Variants in GRAP2 observed in about 807,000 individuals in gnomAD.
GRAP2 encodes GRB2-related adapter protein 2.
Under a neutral mutation model 43.5 loss-of-function variants are expected in GRAP2, and 31 were observed. The observed-to-expected ratio is 0.71, with a 90% CI of 0.54 to 0.96. GRAP2 has a LOEUF of 0.96. GRAP2 is among the 40% of genes least tolerant of loss of function. The pLI, the probability that GRAP2 is intolerant of heterozygous loss-of-function variation, is 0.00. For missense variants in GRAP2, 371 were observed against 424.4 expected, an observed-to-expected ratio of 0.87 and a Z score of 1.11; for synonymous variants, 156 against 164.8, an observed-to-expected ratio of 0.95 and a Z score of 0.41.
Position 39,966,127 on chromosome 22 carries a change from T to C in GRAP2, c.428T>C (p.Ile143Thr), listed in dbSNP as rs1357940059. 2 of 1,613,950 alleles carry C rather than the reference T, an allele frequency of 1.2e-6. No individual in the cohort carries two copies. The highest frequency in any genetic ancestry group is 1.7e-6 in the Non-Finnish European group (2 of 1,179,978). ...RTNSISRQKQ[I>T]FLRDRTREDQ... The stretch of plus-strand genomic sequence containing the variant: ...AATTCCATCTCCAGACAGAAGCAGA[T>C]CTTCCTTAGAGACAGAACCCGAGAA... The change falls in exon 5 of 8, where the codon ATC becomes ACC. Residue 143 changes from isoleucine (I) to threonine (T), a missense_variant. Physicochemically the swap from Ile to Thr is moderately conservative, Grantham distance 89. Coordinates refer to ENST00000344138, the MANE Select transcript of GRAP2 (RefSeq NM_004810.4).
intron 6 of GRAP2, 65 bp from the exon 7 acceptor site, chr22:39,969,346 A>G: frequency 2.5e-6 from 4 of 1,591,376 alleles, no homozygotes; most frequent in Non-Finnish European, 3.4e-6. Context: ...TGAGCAAGGC[A>G]CTGGGGGAAC....
rs755312398 is a variant in GRAP2 at position 39,955,956 on chromosome 22, C to G, written c.170+46C>G. The stretch of plus-strand genomic sequence containing the variant: ...GAGATGGGCCTAGCCACACACACTC[C>G]TCTTACATTTCCAGCAGTCACTACA... On this transcript the variant is annotated intron_variant, in intron 3 of 7. Coordinates refer to ENST00000344138, the MANE Select transcript of GRAP2 (RefSeq NM_004810.4). 33 of 877,506 alleles carry G rather than the reference C, an allele frequency of 3.8e-5. No individual in the cohort carries two copies. In the Admixed American group the frequency reaches 5.6e-4, roughly 15 times the overall value. 54.4% of individuals were successfully genotyped at this position (877,506 alleles called of 1,614,324 possible). A position where few individuals can be genotyped will look rare whatever the true frequency, so the allele number is the denominator to read the frequency against.
At chr22:39,960,032 T>G in intron 3 of GRAP2, 23 bp from the exon 4 acceptor site, 1 of 1,612,762 alleles carries the variant, frequency 6.2e-7, no homozygotes, top group South Asian at 1.1e-5. Context: ...TCCTGATCCT[T>G]TTGTTTGATC....
At position 39,971,200 on chromosome 22, in the gene GRAP2, C is replaced by T; in HGVS notation, c.*116C>T. On this transcript the variant is annotated 3_prime_UTR_variant, in exon 8 of 8. Transcript: ENST00000344138. ...ACATCTATCTACATCTGCCTGTGTA[C>T]ACACACAACTTTTTATACTAGTAAT... is the stretch of plus-strand genomic sequence containing the variant. 1.3e-6 allele frequency: 1 copy of T among 743,744 alleles called. No individual in the cohort carries two copies. Among genetic ancestry groups the T allele is most frequent in the Non-Finnish European group, 2.2e-6 (1 of 462,088 alleles). 46.1% of individuals were successfully genotyped at this position (743,744 alleles called of 1,614,324 possible).
At chr22:39,957,414 C>G (rs934528633) in intron 3 of GRAP2, among the ~76,000 whole-genome samples, 9 of 152,148 alleles carry the variant, frequency 5.9e-5, no homozygotes, top group African/African-American at 2.2e-4. Context: ...GTGAAGCTCC[C>G]AGACCCCCCT....
chr22:39,933,061 T>C (rs1338839244), intron 1 of GRAP2, among the ~76,000 whole-genome samples: 1 of 152,160 alleles, frequency 6.6e-6, no homozygotes, highest in Non-Finnish European at 1.5e-5. Context: ...TAAGAGAAAG[T>C]GAGACCATGG....
intron 4 of GRAP2, among the ~76,000 whole-genome samples, chr22:39,962,665 G>A (rs901901165): frequency 1.3e-5 from 2 of 151,722 alleles, no homozygotes; most frequent in African/African-American, 2.4e-5. Flanking sequence ...TTGTGGTTTC[G>A]TTGGTTTTTT....
chr22:39,919,018 C>G (rs915927579), intron 1 of GRAP2, among the ~76,000 whole-genome samples: 7 of 152,150 alleles, frequency 4.6e-5, no homozygotes, highest in Non-Finnish European at 1.0e-4. Context: ...TGACTCATGC[C>G]TGTAATCCCA....
chr22:39,908,721 G>A (rs1175972405), intron 1 of GRAP2, among the ~76,000 whole-genome samples: 1 of 152,216 alleles, frequency 6.6e-6, no homozygotes, highest in African/African-American at 2.4e-5. Flanking sequence ...TCCAAGCTAA[G>A]TGCTAATATT....
chr22:39,902,335 A>G (rs117953720), intron 1 of GRAP2, among the ~76,000 whole-genome samples: 1 of 152,358 alleles, frequency 6.6e-6, no homozygotes, highest in East Asian at 1.9e-4. Flanking sequence ...CGGAAAGAGT[A>G]TTTAGCAGAA....
At chr22:39,949,504 C>G (rs1422361225) in intron 2 of GRAP2, among the ~76,000 whole-genome samples, 1 of 152,212 alleles carries the variant, frequency 6.6e-6, no homozygotes, top group Non-Finnish European at 1.5e-5. Context: ...AAGCACTAAA[C>G]TCTGCTCTGA....
At chr22:39,920,823 T>C (rs1037259721) in intron 1 of GRAP2, among the ~76,000 whole-genome samples, 2 of 151,830 alleles carry the variant, frequency 1.3e-5, no homozygotes, top group African/African-American at 2.4e-5. Flanking sequence ...AAACCGTGCA[T>C]GCCCTGACAG....
intron 1 of GRAP2, among the ~76,000 whole-genome samples, chr22:39,941,616 T>C (rs1021853536): frequency 3.9e-5 from 6 of 152,226 alleles, no homozygotes; most frequent in Non-Finnish European, 5.9e-5. Flanking sequence ...CTTCCTGTCA[T>C]GTAAAAATGC....
intron 1 of GRAP2, among the ~76,000 whole-genome samples, chr22:39,918,480 T>G (rs1009460249): frequency 2.0e-5 from 3 of 152,150 alleles, no homozygotes; most frequent in Non-Finnish European, 4.4e-5. Context: ...CGACACTGAG[T>G]TGTGTCTTGT....
upstream of GRAP2, among the ~76,000 whole-genome samples, chr22:39,900,611 G>A (rs188633536): frequency 1.7e-4 from 26 of 152,310 alleles, no homozygotes; most frequent in African/African-American, 6.3e-4. Context: ...AGAAATTGAA[G>A]GAACTGGTTC....
chr22:39,932,996 C>A (rs2066771390), intron 1 of GRAP2, among the ~76,000 whole-genome samples: 1 of 152,144 alleles, frequency 6.6e-6, no homozygotes, highest in African/African-American at 2.4e-5. Context: ...CCTACCTTAC[C>A]CAGATGGCGG....
chr22:39,945,357 G>A lies in GRAP2; in HGVS notation c.-14-1736G>A, dbSNP rs558056082. The stretch of plus-strand genomic sequence containing the variant: ...TACCTTCGAAAGATTGAACAATTGT[G>A]GAGAATCAGAGAAATGAGCCCCTTG... On this transcript the variant is annotated intron_variant, in intron 1 of 7. Transcript: ENST00000344138. 9.2e-5 allele frequency among the ~76,000 whole-genome samples: 14 copies of A among 152,258 alleles called. No individual in the cohort carries two copies. The East Asian group carries it at 1.3e-3, about 15-fold the overall frequency.
At chr22:39,930,700 C>A (rs1569200094) in intron 1 of GRAP2, among the ~76,000 whole-genome samples, 1 of 152,202 alleles carries the variant, frequency 6.6e-6, no homozygotes, top group Non-Finnish European at 1.5e-5. Context: ...TTCCCATCAT[C>A]CTTGGTATGA....
At chr22:39,910,838 A>G (rs761164309) in intron 1 of GRAP2, among the ~76,000 whole-genome samples, 2 of 152,026 alleles carry the variant, frequency 1.3e-5, no homozygotes, top group Non-Finnish European at 2.9e-5. Context: ...CAAATCTTTC[A>G]GAGCTAGGGT....
Sources: gnomAD v4.1 joint callset for allele counts (sites outside exome capture counted in the v4.1 genomes callset) on GRCh38, gnomAD v4.1.1 for gene constraint, MANE v1.5 for transcripts, NCBI Gene and HGNC (gene_info 2026-07-23, HGNC 2026-07-21) for gene names.